The following PHF24 variants were observed in gnomAD, a reference collection of about 807,000 sequenced individuals.
PHF24 encodes the protein PHD finger protein 24.
PHF24 carries 25 observed loss-of-function variants against 42.6 expected under a neutral mutation model. That is an observed-to-expected ratio of 0.59 (90% CI 0.43 to 0.82). The LOEUF (loss-of-function observed/expected upper bound fraction) is 0.82, where lower values mean the gene tolerates loss of function less well. Among genes scored for constraint, PHF24 ranks in the 40% least tolerant of loss-of-function variants. PHF24 has a pLI of 0.00. For missense variants in PHF24, 470 were observed against 538.1 expected (o/e 0.87, Z 1.25); for synonymous variants, 185 against 204.8 (o/e 0.90, Z 0.83).
At chr9:34,932,457 CCT>C in the PHF24 span, among the ~76,000 whole-genome samples, 1 of 152,146 alleles carries the variant, frequency 6.6e-6, no homozygotes, top group Non-Finnish European at 1.5e-5. Context: ...GTCATAATTA[CCT>C]CTTAGTTACT....
At chr9:34,946,697 G>T in the PHF24 span, among the ~76,000 whole-genome samples, 1 of 152,156 alleles carries the variant, frequency 6.6e-6, no homozygotes, top group Non-Finnish European at 1.5e-5. Flanking sequence ...TACAGCTACA[G>T]ACTACCCAGG....
chr9:34,776,502 AT>A, the PHF24 span, among the ~76,000 whole-genome samples: 6 of 152,166 alleles, frequency 3.9e-5, no homozygotes, highest in African/African-American at 1.4e-4. Context: ...TGTATTTTGC[AT>A]TTCATTAAAT....
At chr9:34,679,629 C>A in the PHF24 span, among the ~76,000 whole-genome samples, 1 of 152,182 alleles carries the variant, frequency 6.6e-6, no homozygotes, top group Non-Finnish European at 1.5e-5. Context: ...GCATGAGAAT[C>A]GCTTGAACCC....
chr9:34,765,028 C>T, the PHF24 span, among the ~76,000 whole-genome samples: 3 of 152,058 alleles, frequency 2.0e-5, no homozygotes, highest in African/African-American at 7.2e-5. Flanking sequence ...GTTTCTTAAT[C>T]GTGAGTTCTA....
chr9:34,847,032 G>C, the PHF24 span, among the ~76,000 whole-genome samples: 1 of 152,136 alleles, frequency 6.6e-6, no homozygotes, highest in Non-Finnish European at 1.5e-5. Context: ...GTCAGGTAGC[G>C]TGATGCCTCC....
the PHF24 span, among the ~76,000 whole-genome samples, chr9:34,940,320 A>T: frequency 6.6e-6 from 1 of 151,972 alleles, no homozygotes; most frequent in Non-Finnish European, 1.5e-5. Flanking sequence ...GCCTCTGATA[A>T]ACTCTCCCAC....
the PHF24 span, chr9:34,893,048 G>C: frequency 1.1e-6 from 1 of 939,288 alleles, no homozygotes; most frequent in African/African-American, 1.6e-5. Context: ...GTTCTCACCT[G>C]CCAGCAATTG....
the PHF24 span, among the ~76,000 whole-genome samples, chr9:34,820,956 G>T: frequency 6.6e-6 from 1 of 152,124 alleles, no homozygotes; most frequent in East Asian, 1.9e-4. Flanking sequence ...TCTCATTGTG[G>T]TTTTGATTTG....
chr9:34,712,573 T>C, the PHF24 span, among the ~76,000 whole-genome samples: 4 of 152,294 alleles, frequency 2.6e-5, no homozygotes, highest in East Asian at 5.8e-4. Context: ...ATTTCAGTTA[T>C]TGTATTTTTG....
At chr9:34,667,899 G>C in the PHF24 span, among the ~76,000 whole-genome samples, 3 of 152,146 alleles carry the variant, frequency 2.0e-5, no homozygotes, top group Non-Finnish European at 4.4e-5. Context: ...CCTTGTGGGA[G>C]GGATTGGGCA....
At chr9:34,807,250 A>G in the PHF24 span, among the ~76,000 whole-genome samples, 1 of 152,190 alleles carries the variant, frequency 6.6e-6, no homozygotes, top group Non-Finnish European at 1.5e-5. Flanking sequence ...TTTTATTATA[A>G]AGGGGGTATT....
At chr9:34,814,902 A>G in the PHF24 span, among the ~76,000 whole-genome samples, 2 of 152,036 alleles carry the variant, frequency 1.3e-5, no homozygotes, top group African/African-American at 2.4e-5. Flanking sequence ...CACCATGGCC[A>G]GCTAATTTTT....
chr9:34,712,572 A>G, the PHF24 span, among the ~76,000 whole-genome samples: 1 of 151,798 alleles, frequency 6.6e-6, no homozygotes, highest in African/African-American at 2.4e-5. Context: ...CATTTCAGTT[A>G]TTGTATTTTT....
the PHF24 span, among the ~76,000 whole-genome samples, chr9:34,934,109 C>T: frequency 7.3e-3 from 1,113 of 152,236 alleles, 11 homozygotes; most frequent in African/African-American, 0.025. Flanking sequence ...TTGAGTAAGA[C>T]AATGTCCAAG....
At chr9:34,674,055 C>T in the PHF24 span, among the ~76,000 whole-genome samples, 1 of 152,214 alleles carries the variant, frequency 6.6e-6, no homozygotes, top group African/African-American at 2.4e-5. Context: ...TGCATCTGGC[C>T]TCATACCTAG....
chr9:34,894,631 T>G, the PHF24 span: 2 of 397,284 alleles, frequency 5.0e-6, no homozygotes, highest in Non-Finnish European at 8.9e-6. Context: ...GTCACATCTG[T>G]GTATAACTTA....
the PHF24 span, among the ~76,000 whole-genome samples, chr9:34,846,872 C>T: frequency 2.6e-5 from 4 of 152,164 alleles, no homozygotes; most frequent in Non-Finnish European, 5.9e-5. Context: ...TTCCCCATTG[C>T]TTGTTTTTCT....
chr9:34,824,799 G>T, the PHF24 span, among the ~76,000 whole-genome samples: 38 of 152,170 alleles, frequency 2.5e-4, no homozygotes, highest in Non-Finnish European at 4.3e-4. Flanking sequence ...GGTCACTATA[G>T]CTGTGGTCCA....
the PHF24 span, among the ~76,000 whole-genome samples, chr9:34,863,794 C>G: frequency 6.6e-6 from 1 of 152,172 alleles, no homozygotes; most frequent in Non-Finnish European, 1.5e-5. Flanking sequence ...ACCAAACAAC[C>G]TAACTAAGGC....
Sources: allele counts gnomAD v4.1 joint callset (sites outside exome capture counted in the v4.1 genomes callset), GRCh38; gene constraint gnomAD v4.1.1; transcripts MANE v1.5; gene names NCBI Gene and HGNC (gene_info 2026-07-23, HGNC 2026-07-21).